SH3PXD2B: variants seen among roughly 807,000 people sequenced by gnomAD.
SH3PXD2B encodes SH3 and PX domains 2B, also known as SH3 and PX domain-containing protein 2B.
Under a neutral mutation model 73.1 loss-of-function variants are expected in SH3PXD2B, and 37 were observed. The observed-to-expected ratio is 0.51, with a 90% CI of 0.39 to 0.67. SH3PXD2B has a LOEUF of 0.67. Among genes scored for constraint, SH3PXD2B ranks in the 30% least tolerant of loss-of-function variants. The pLI is 0.00. For synonymous variants in SH3PXD2B, 457 were observed against 480.5 expected, an observed-to-expected ratio of 0.95 and a Z score of 0.64; for missense variants, 1,053 against 1,197.8, an observed-to-expected ratio of 0.88 and a Z score of 1.78.
At chr5:172,451,619 C>T (rs1354869372) in intron 1 of SH3PXD2B, among the ~76,000 whole-genome samples, 6 of 152,198 alleles carry the variant, frequency 3.9e-5, no homozygotes, top group African/African-American at 1.4e-4. Flanking sequence ...GAGAGGCAAA[C>T]CAACCAGTCC....
intron 1 of SH3PXD2B, among the ~76,000 whole-genome samples, chr5:172,427,571 C>G (rs1390085068): frequency 6.6e-6 from 1 of 151,944 alleles, no homozygotes; most frequent in Non-Finnish European, 1.5e-5. Context: ...AGGCTGTTAT[C>G]GAACTCCTGG....
At chr5:172,405,506 G>T (rs1758532632) in intron 3 of SH3PXD2B, among the ~76,000 whole-genome samples, 1 of 152,212 alleles carries the variant, frequency 6.6e-6, no homozygotes, top group Non-Finnish European at 1.5e-5. Flanking sequence ...CTGTGATGAG[G>T]GATGTGGGAA....
chr5:172,415,811 A>ATT (rs1166259523), intron 2 of SH3PXD2B, among the ~76,000 whole-genome samples: 1 of 152,212 alleles, frequency 6.6e-6, no homozygotes, highest in Non-Finnish European at 1.5e-5. Context: ...AGGGAGAATC[A>ATT]GAGAGGCTGG....
chr5:172,386,044 G>A (rs1561916802), intron 4 of SH3PXD2B, among the ~76,000 whole-genome samples: 3 of 152,200 alleles, frequency 2.0e-5, no homozygotes, highest in Non-Finnish European at 2.9e-5. Flanking sequence ...ATGCAGGCAC[G>A]AGAGAGGAGA....
At chr5:172,452,920 A>G (rs987365782) in intron 1 of SH3PXD2B, among the ~76,000 whole-genome samples, 5 of 152,178 alleles carry the variant, frequency 3.3e-5, no homozygotes, top group African/African-American at 1.2e-4. Context: ...ACTCTATATA[A>G]AGATGCCACA....
At chr5:172,376,413 G>A (rs1177837620) in intron 5 of SH3PXD2B, among the ~76,000 whole-genome samples, 1 of 152,204 alleles carries the variant, frequency 6.6e-6, no homozygotes, top group Non-Finnish European at 1.5e-5. Context: ...TGCATTTCCT[G>A]ATGGATAATG....
intron 5 of SH3PXD2B, among the ~76,000 whole-genome samples, chr5:172,376,710 G>A (rs1757830157): frequency 6.6e-6 from 1 of 152,220 alleles, no homozygotes; most frequent in South Asian, 2.1e-4. Context: ...AAGGGTGAGG[G>A]TCAGAGTGGA....
At chr5:172,442,696 C>G (rs571376426) in intron 1 of SH3PXD2B, among the ~76,000 whole-genome samples, 1 of 152,250 alleles carries the variant, frequency 6.6e-6, no homozygotes, top group Admixed American at 6.5e-5. Flanking sequence ...CATCACTAGT[C>G]AGATAAATGA....
chr5:172,454,331 C>A lies in SH3PXD2B; in HGVS notation c.22G>T (p.Val8Leu). Residue 8 changes from valine to leucine, a missense_variant, in exon 1 of 13, where the codon GTG becomes TTG. This residue lies in a region of SH3PXD2B where 466 missense variants were observed against 607.1 expected (regional missense o/e 0.77). Coordinates refer to ENST00000311601, the MANE Select transcript of SH3PXD2B (RefSeq NM_001017995.3). ...TGCACGTCTAGCACCTTCACCTCCA[C>A]GATGCTGCGCCGCGGCGGCATGGCC... is the stretch of plus-strand genomic sequence containing the variant. MPPRRSI[V>L]EVKVLDVQKR... The A allele has an allele frequency of 6.5e-7, 1 of 1,544,156 alleles. No individual in the cohort carries two copies. Among genetic ancestry groups the A allele is most frequent in the Non-Finnish European group, 8.7e-7 (1 of 1,149,138 alleles).
At chr5:172,377,311 A>C (rs1757842032) in intron 5 of SH3PXD2B, among the ~76,000 whole-genome samples, 1 of 152,168 alleles carries the variant, frequency 6.6e-6, no homozygotes. Context: ...TCAAGCCCTA[A>C]CATGGGTTGA....
At chr5:172,406,475 C>A in intron 2 of SH3PXD2B, 123 bp from the exon 3 acceptor site, 1 of 1,150,798 alleles carries the variant, frequency 8.7e-7, no homozygotes, top group Non-Finnish European at 1.3e-6. Flanking sequence ...CTGCGTTCAG[C>A]TTTCCAGAAA....
intron 6 of SH3PXD2B, among the ~76,000 whole-genome samples, chr5:172,371,895 C>T (rs1317749339): frequency 1.3e-5 from 2 of 152,192 alleles, no homozygotes; most frequent in Non-Finnish European, 2.9e-5. Flanking sequence ...TTCTGAGAAA[C>T]ATATAATTAT....
At chr5:172,380,117 C>T (rs113011999) in intron 5 of SH3PXD2B, among the ~76,000 whole-genome samples, 1 of 152,180 alleles carries the variant, frequency 6.6e-6, no homozygotes, top group Non-Finnish European at 1.5e-5. Flanking sequence ...AGTGCAGTGG[C>T]GGCGATCACT....
chr5:172,368,484 A>AAAT lies in SH3PXD2B; in HGVS notation c.427+5305_427+5306insATT, dbSNP rs1561907906. Among the ~76,000 whole-genome samples, 12 of 19,704 alleles carry AAAT rather than the reference A, an allele frequency of 6.1e-4. 2 individuals are homozygous for AAAT. Among genetic ancestry groups the AAAT allele is most frequent in the South Asian group, 4.0e-3 (2 of 496 alleles). The allele number at this position is 19,704 out of a possible 152,430, so 12.9% of individuals were successfully genotyped here. ...ATATATATATTATATATATATATAA[A>AAAT]ATATATATATATTATATATATATAT... On this transcript the variant is annotated intron_variant, in intron 6 of 12. Coordinates refer to ENST00000311601, the MANE Select transcript of SH3PXD2B (RefSeq NM_001017995.3).
chr5:172,431,459 G>A (rs1346131435), intron 1 of SH3PXD2B, among the ~76,000 whole-genome samples: 5 of 152,226 alleles, frequency 3.3e-5, no homozygotes, highest in African/African-American at 2.4e-5. Flanking sequence ...CCCACCGGAG[G>A]CTACTATGAC....
At chr5:172,346,098 G>C (rs373361777) in intron 12 of SH3PXD2B, 38 bp downstream of exon 12, 10 of 1,613,550 alleles carry the variant, frequency 6.2e-6, no homozygotes, top group East Asian at 2.2e-5. Flanking sequence ...CTGGAATCAG[G>C]AATCACAAGT....
intron 2 of SH3PXD2B, among the ~76,000 whole-genome samples, chr5:172,414,528 C>T (rs868836019): frequency 1.1e-3 from 157 of 148,342 alleles, no homozygotes; most frequent in Middle Eastern, 7.1e-3. Context: ...TGGAAACAAG[C>T]GGTTTTTGCT....
chr5:172,382,271 G>A (rs1757966420), intron 4 of SH3PXD2B, 144 bp from the exon 5 acceptor site: 21 of 620,480 alleles, frequency 3.4e-5, no homozygotes, highest in Non-Finnish European at 4.8e-5. Flanking sequence ...AGCTGAGATC[G>A]CGCCACTGCA....
chr5:172,343,473 A>C (rs755825072), intron 12 of SH3PXD2B, among the ~76,000 whole-genome samples: 71 of 152,188 alleles, frequency 4.7e-4, no homozygotes, highest in Admixed American at 5.2e-4. Flanking sequence ...CATTTACTAG[A>C]GGGAAGCCAA....
Sources: gnomAD v4.1 joint callset for allele counts (sites outside exome capture counted in the v4.1 genomes callset) on GRCh38, gnomAD v4.1.1 for gene constraint, gnomAD v4.1.1 regional missense constraint, MANE v1.5 for transcripts, NCBI Gene and HGNC (gene_info 2026-07-23, HGNC 2026-07-21) for gene names.